NNMT: variants seen among roughly 807,000 people sequenced by gnomAD.
NNMT encodes nicotinamide N-methyltransferase.
NNMT carries 10 observed loss-of-function variants against 11.7 expected under a neutral mutation model. That is an observed-to-expected ratio of 0.85 (90% CI 0.53 to 1.45). NNMT has a LOEUF of 1.45. Among genes scored for constraint, NNMT ranks in the 40% most tolerant of loss-of-function variants. The probability of loss-of-function intolerance (pLI) is 0.00; values close to 1 mark genes in which losing one functional copy is unlikely to be tolerated. For missense variants in NNMT, 381 were observed against 319.4 expected (o/e 1.19, Z -1.47); for synonymous variants, 143 against 133.8 (o/e 1.07, Z -0.48).
chr11:114,290,920 A>G (rs1212535853), intron 2 of NNMT, among the ~76,000 whole-genome samples: 1 of 152,250 alleles, frequency 6.6e-6, no homozygotes, highest in African/African-American at 2.4e-5. Context: ...CTGCAAAGTC[A>G]GCTGTTAGTG....
At chr11:114,300,218 A>G (rs916188154) in intron 2 of NNMT, among the ~76,000 whole-genome samples, 1 of 151,988 alleles carries the variant, frequency 6.6e-6, no homozygotes, top group African/African-American at 2.4e-5. Flanking sequence ...TTCCTTTAGC[A>G]CTGTTTTAAC....
chr11:114,296,716 T>C lies in NNMT; in HGVS notation c.154+6T>C. ...TTTCAAGATATTCTGCCTAGGTAAG[T>C]CTGTTGTCTGCATGTCTCCCCACTA... is the stretch of plus-strand genomic sequence containing the variant. On this transcript the variant is annotated splice_donor_region_variant and intron_variant, in intron 1 of 2. Transcript: ENST00000299964. 1 of 1,614,004 alleles carries C rather than the reference T, an allele frequency of 6.2e-7. No homozygotes were observed. Among genetic ancestry groups the C allele is most frequent in the Non-Finnish European group, 8.5e-7 (1 of 1,179,908 alleles).
chr11:114,285,338 C>T (rs1945290402), intron 2 of NNMT, among the ~76,000 whole-genome samples: 1 of 152,152 alleles, frequency 6.6e-6, no homozygotes, highest in African/African-American at 2.4e-5. Flanking sequence ...AGAAGGCAGC[C>T]CTCTGCGTAC....
Position 114,301,076 on chromosome 11 carries a change from A to G in NNMT, c.362+2918A>G, listed in dbSNP as rs1477105399. 2.0e-5 allele frequency among the ~76,000 whole-genome samples: 3 copies of G among 152,226 alleles called. No homozygotes were observed. In the East Asian group the frequency reaches 5.8e-4, roughly 29 times the overall value. On this transcript the variant is annotated intron_variant, in intron 2 of 2. Coordinates refer to ENST00000299964, the MANE Select transcript of NNMT (RefSeq NM_006169.3). ...ACTACACACCTATTAGATCTAGGCC[A>G]GAATCTGGAAGACTGACAACACCAA...
intron 2 of NNMT, among the ~76,000 whole-genome samples, chr11:114,309,541 T>G (rs1945528687): frequency 6.6e-6 from 1 of 152,044 alleles, no homozygotes; most frequent in Non-Finnish European, 1.5e-5. Flanking sequence ...GTTTAGTGGT[T>G]GGTAGGAATT....
intron 2 of NNMT, among the ~76,000 whole-genome samples, chr11:114,284,518 C>T (rs1309130752): frequency 6.6e-6 from 1 of 152,174 alleles, no homozygotes; most frequent in Non-Finnish European, 1.5e-5. Context: ...GGCTGGAGTG[C>T]AGTGGTGCTA....
chr11:114,288,935 C>T (rs1945316848), intron 2 of NNMT, among the ~76,000 whole-genome samples: 2 of 152,056 alleles, frequency 1.3e-5, no homozygotes, highest in African/African-American at 4.8e-5. Context: ...TTTAGCTAGA[C>T]TTATAAAGTT....
chr11:114,261,693 G>T (rs1156850365), intron 1 of NNMT, among the ~76,000 whole-genome samples: 2 of 152,210 alleles, frequency 1.3e-5, no homozygotes, highest in Non-Finnish European at 2.9e-5. Context: ...GTTCAGATTT[G>T]TGCCAGAGAA....
upstream of NNMT, among the ~76,000 whole-genome samples, chr11:114,293,290 G>A: frequency 6.6e-6 from 1 of 152,110 alleles, no homozygotes; most frequent in Non-Finnish European, 1.5e-5. Flanking sequence ...CAATTTGCCT[G>A]CCACATGCAA....
intron 2 of NNMT, among the ~76,000 whole-genome samples, chr11:114,303,875 T>C (rs1405802822): frequency 6.6e-6 from 1 of 152,202 alleles, no homozygotes; most frequent in Non-Finnish European, 1.5e-5. Context: ...CATAGCTGGC[T>C]AATTTTTTGT....
chr11:114,262,806 A>G (rs1945093886), intron 1 of NNMT: 1 of 152,230 alleles, frequency 6.6e-6, no homozygotes, highest in African/African-American at 2.4e-5. Context: ...CACTTTTTAA[A>G]GCAGCAGCAT....
At chr11:114,263,648 G>A (rs865857589) in intron 2 of NNMT, among the ~76,000 whole-genome samples, 2 of 152,296 alleles carry the variant, frequency 1.3e-5, no homozygotes, top group African/African-American at 4.8e-5. Flanking sequence ...ACACCTGCTC[G>A]CTCCCTCCCC....
At position 114,287,224 on chromosome 11, in the gene NNMT, C is replaced by T. The variant is rs191083047; in HGVS notation, c.-129-9204C>T. ...TTCACTCTCTTAAAGTGTCTTTGGTCGAACAGACATTCTTAATTGTAATAT... is the reference window on the plus strand; with the variant it reads ...TTCACTCTCTTAAAGTGTCTTTGGTTGAACAGACATTCTTAATTGTAATAT... On this transcript the variant is annotated intron_variant, in intron 2 of 4. Coordinates refer to the NNMT transcript ENST00000535401. 2.1e-4 allele frequency among the ~76,000 whole-genome samples: 32 copies of T among 152,174 alleles called. No homozygotes were observed. In the East Asian group the frequency reaches 5.0e-3, roughly 24 times the overall value.
chr11:114,285,998 A>G (rs962309330), intron 2 of NNMT, among the ~76,000 whole-genome samples: 1 of 152,218 alleles, frequency 6.6e-6, no homozygotes, highest in Non-Finnish European at 1.5e-5. Flanking sequence ...TTCTTCCAGC[A>G]TTGGAAAGAA....
At chr11:114,286,993 T>C (rs1017832945) in intron 2 of NNMT, among the ~76,000 whole-genome samples, 13 of 152,234 alleles carry the variant, frequency 8.5e-5, no homozygotes, top group Non-Finnish European at 1.8e-4. Context: ...TAATTTGCAT[T>C]CCACTGATGA....
At chr11:114,296,039 C>T (rs1412732872), upstream of NNMT, 3 of 153,300 alleles carry the variant, frequency 2.0e-5, no homozygotes, top group Admixed American at 1.3e-4. Flanking sequence ...CATTTCCTAT[C>T]CTCATCTTTC....
chr11:114,294,477 C>CAAAAAA, upstream of NNMT, among the ~76,000 whole-genome samples: 1 of 123,446 alleles, frequency 8.1e-6, no homozygotes, highest in Non-Finnish European at 1.6e-5. Flanking sequence ...GACTCCACAT[C>CAAAAAA]AAAAAAAAAA....
At chr11:114,272,695 G>A (rs192672108) in intron 2 of NNMT, among the ~76,000 whole-genome samples, 393 of 152,300 alleles carry the variant, frequency 2.6e-3, no homozygotes, top group African/African-American at 9.0e-3. Flanking sequence ...TGCTCTGCCC[G>A]TCACCAGTGT....
At chr11:114,262,477 C>G (rs989377595) in intron 1 of NNMT, among the ~76,000 whole-genome samples, 1 of 152,062 alleles carries the variant, frequency 6.6e-6, no homozygotes, top group African/African-American at 2.4e-5. Flanking sequence ...GTCGAACTGC[C>G]CTTTTAATGC....
Sources: allele counts gnomAD v4.1 joint callset (sites outside exome capture counted in the v4.1 genomes callset), GRCh38; gene constraint gnomAD v4.1.1; transcripts MANE v1.5; gene names NCBI Gene and HGNC (gene_info 2026-07-23, HGNC 2026-07-21).